The following CADM2 variants were observed in gnomAD, a reference collection of about 807,000 sequenced individuals.
CADM2 encodes cell adhesion molecule 2, also known as immunoglobulin superfamily member 4D.
Under a neutral mutation model 49.8 loss-of-function variants are expected in CADM2, and 12 were observed. That is an observed-to-expected ratio of 0.24 (90% CI 0.15 to 0.39). The LOEUF is 0.39. Ranked by LOEUF, CADM2 falls within the 10% of genes least tolerant of loss-of-function variation. The probability of loss-of-function intolerance (pLI) is 1.00; values close to 1 mark genes in which losing one functional copy is unlikely to be tolerated. For missense variants in CADM2, 378 were observed against 492.3 expected (o/e 0.77, Z 2.20); for synonymous variants, 214 against 175.4 (o/e 1.22, Z -1.74).
intron 1 of CADM2, among the ~76,000 whole-genome samples, chr3:85,284,941 G>A (rs2043594987): frequency 6.6e-6 from 1 of 152,106 alleles, no homozygotes; most frequent in Admixed American, 6.6e-5. Flanking sequence ...AAAGCAAGCA[G>A]ATCGATTGGT....
chr3:85,691,222 C>T (rs1479904382), intron 1 of CADM2, among the ~76,000 whole-genome samples: 3 of 152,150 alleles, frequency 2.0e-5, no homozygotes, highest in African/African-American at 7.2e-5. Context: ...ATGGTATCTT[C>T]CAGATTCATT....
chr3:86,040,627 G>A (rs192006321), intron 8 of CADM2, among the ~76,000 whole-genome samples: 221 of 152,266 alleles, frequency 1.5e-3, no homozygotes, highest in Non-Finnish European at 2.5e-3. Context: ...GAAAGTGATG[G>A]GGAGAATGGA....
rs1478973430 is a variant in CADM2, at chr3:84,958,993, AGCTGCCGCCGTCGCCGCTGCC to A, written c.-605_-585del. The A allele has an allele frequency of 7.7e-5, 15 of 195,044 alleles. No homozygotes were observed. The highest frequency in any genetic ancestry group is 3.8e-4 in the Admixed American group (6 of 15,706). 12.1% of individuals were successfully genotyped at this position (195,044 alleles called of 1,614,324 possible). A position where few individuals can be genotyped will look rare whatever the true frequency, so the allele number is the denominator to read the frequency against. On this transcript the variant is annotated 5_prime_UTR_variant, in exon 1 of 10. Coordinates refer to ENST00000383699, the MANE Select transcript of CADM2 (RefSeq NM_001167675.2). ...TGCCCTTGTGTCTGGTGCTTCGTAG[AGCTGCCGCCGTCGCCGCTGCC>A]GCTGCCGCCACAGCCGCCGCTGCAG... is the stretch of plus-strand genomic sequence containing the variant.
At chr3:85,298,732 A>G (rs796991754) in intron 1 of CADM2, among the ~76,000 whole-genome samples, 3 of 152,292 alleles carry the variant, frequency 2.0e-5, no homozygotes, top group African/African-American at 7.2e-5. Flanking sequence ...TTATGTAAAA[A>G]TAATGTTAAA....
At chr3:85,902,179 C>T (rs1443841976) in intron 5 of CADM2, among the ~76,000 whole-genome samples, 1 of 152,000 alleles carries the variant, frequency 6.6e-6, no homozygotes, top group Non-Finnish European at 1.5e-5. Flanking sequence ...ATGGTTTCTG[C>T]TTCACGTACC....
intron 1 of CADM2, among the ~76,000 whole-genome samples, chr3:85,466,752 A>T (rs374235699): frequency 1.3e-5 from 2 of 152,212 alleles, no homozygotes; most frequent in Non-Finnish European, 2.9e-5. Context: ...AACAAAAAAA[A>T]ATTATTACCT....
chr3:86,060,213 C>T (rs757383246), intron 8 of CADM2, among the ~76,000 whole-genome samples: 1 of 146,548 alleles, frequency 6.8e-6, no homozygotes, highest in African/African-American at 2.6e-5. Context: ...CAGATCAAAT[C>T]GTTTTAATGT....
At chr3:85,237,641 T>G (rs2107828151) in intron 1 of CADM2, among the ~76,000 whole-genome samples, 1 of 151,772 alleles carries the variant, frequency 6.6e-6, no homozygotes, top group South Asian at 2.1e-4. Context: ...ATTCATAGAA[T>G]AATTACATAT....
At chr3:85,671,623 CTA>C (rs1383159170) in intron 1 of CADM2, among the ~76,000 whole-genome samples, 1 of 152,102 alleles carries the variant, frequency 6.6e-6, no homozygotes, top group Non-Finnish European at 1.5e-5. Context: ...TTCTCTAACT[CTA>C]TGTCAGCCAC....
chr3:85,315,005 T>C (rs888356693), intron 1 of CADM2, among the ~76,000 whole-genome samples: 2 of 152,128 alleles, frequency 1.3e-5, no homozygotes, highest in Non-Finnish European at 2.9e-5. Context: ...AAATCCAATA[T>C]CAAAGTAGTT....
chr3:85,754,746 T>G (rs1217390260), intron 2 of CADM2, among the ~76,000 whole-genome samples: 1 of 152,166 alleles, frequency 6.6e-6, no homozygotes, highest in Non-Finnish European at 1.5e-5. Flanking sequence ...TTCAAATTTC[T>G]TCAATAAAAC....
chr3:85,818,833 C>G (rs1049057578), intron 3 of CADM2, among the ~76,000 whole-genome samples: 4 of 149,950 alleles, frequency 2.7e-5, no homozygotes, highest in Non-Finnish European at 5.9e-5. Context: ...AGAGCATGAG[C>G]TAAGAAAACA....
rs147118502 is a variant in CADM2 at position 85,545,491 on chromosome 3, G to T, written c.62-181031G>T. On this transcript the variant is annotated intron_variant, in intron 1 of 9. Transcript: ENST00000383699. The stretch of plus-strand genomic sequence containing the variant: ...TACAGAGAGATTCCAAACTATATCT[G>T]TGTGATTCCAAAATATATGTTATGA... Among the ~76,000 whole-genome samples the T allele has an allele frequency of 1.0e-3, 154 of 152,298 alleles. 3 individuals are homozygous for T. In the Middle Eastern group the frequency reaches 0.01, roughly 10 times the overall value.
intron 8 of CADM2, among the ~76,000 whole-genome samples, chr3:85,986,530 A>G (rs553901336): frequency 2.4e-4 from 36 of 152,200 alleles, no homozygotes; most frequent in African/African-American, 4.6e-4. Context: ...TTAAGTGTCA[A>G]TATGTTGGGG....
At chr3:86,065,260 G>A (rs2107431756) in intron 8 of CADM2, among the ~76,000 whole-genome samples, 1 of 152,188 alleles carries the variant, frequency 6.6e-6, no homozygotes, top group Middle Eastern at 3.4e-3. Flanking sequence ...GTATAGTTTT[G>A]TTACTCACAC....
At chr3:85,456,853 A>G (rs1462785273) in intron 1 of CADM2, among the ~76,000 whole-genome samples, 1 of 149,274 alleles carries the variant, frequency 6.7e-6, no homozygotes, top group Non-Finnish European at 1.5e-5. Flanking sequence ...TTTTCGAAAT[A>G]CTCCCTTGTT....
chr3:85,793,418 A>G (rs1342411432), intron 2 of CADM2, among the ~76,000 whole-genome samples: 1 of 152,154 alleles, frequency 6.6e-6, no homozygotes, highest in African/African-American at 2.4e-5. Context: ...TTATTGGAAG[A>G]ATTGTGGGTA....
At chr3:85,722,799 T>C (rs1472108654) in intron 1 of CADM2, among the ~76,000 whole-genome samples, 2 of 152,184 alleles carry the variant, frequency 1.3e-5, no homozygotes. Context: ...TGAGAATGCC[T>C]TCATACCCTA....
intron 1 of CADM2, among the ~76,000 whole-genome samples, chr3:85,344,388 T>TAAAC (rs1444230712): frequency 8.1e-6 from 1 of 123,228 alleles, no homozygotes; most frequent in African/African-American, 4.5e-5. Context: ...TCAAAATAAA[T>TAAAC]AAATAAATAA....
Sources: gnomAD v4.1 joint callset for allele counts (sites outside exome capture counted in the v4.1 genomes callset) on GRCh38, gnomAD v4.1.1 for gene constraint, MANE v1.5 for transcripts, NCBI Gene and HGNC (gene_info 2026-07-23, HGNC 2026-07-21) for gene names.